The following SLC14A2 variants were observed in gnomAD, a reference collection of about 807,000 sequenced individuals.
SLC14A2 encodes the protein solute carrier family 14 member 2.
SLC14A2 carries 91 observed loss-of-function variants against 104.6 expected under a neutral mutation model. The ratio of observed to expected loss-of-function variants is 0.87; its 90% CI spans 0.73 to 1.04. The LOEUF (loss-of-function observed/expected upper bound fraction) is 1.04. Among genes scored for constraint, SLC14A2 ranks in the 50% least tolerant of loss-of-function variants. The pLI, the probability that SLC14A2 is intolerant of heterozygous loss-of-function variation, is 0.00. For missense variants in SLC14A2, 1,189 were observed against 1,156.0 expected (o/e 1.03, Z -0.41); for synonymous variants, 476 against 466.4 (o/e 1.02, Z -0.27).
At chr18:45,633,041 G>A (rs558083454) in intron 5 of SLC14A2, among the ~76,000 whole-genome samples, 4 of 152,300 alleles carry the variant, frequency 2.6e-5, no homozygotes, top group East Asian at 3.9e-4. Flanking sequence ...CTTCCTGAAC[G>A]ACATTCTTAG....
Position 45,246,299 on chromosome 18 carries a change from A to C in SLC14A2, c.-125+33108A>C, listed in dbSNP as rs78140256. ...TTAATCCTGGACTTCCAGCCTTCAG[A>C]ACTGTGAGGAAGTAAATTTCTGTAG... On this transcript the variant is annotated intron_variant, in intron 1 of 20. Transcript: ENST00000586448. Among the ~76,000 whole-genome samples the C allele has an allele frequency of 1.4e-3, 209 of 152,306 alleles. 6 individuals are homozygous for C. In the East Asian group the frequency reaches 0.038, roughly 27 times the overall value.
Position 45,344,614 on chromosome 18 carries a change from A to AGGTTGGAGT in SLC14A2, c.-125+131423_-125+131424insGGTTGGAGT, listed in dbSNP as rs1423085576. On this transcript the variant is annotated intron_variant, in intron 1 of 20. Transcript: ENST00000586448. ...AAGGGGGAAGAAGCAAATCCCAGAA[A>AGGTTGGAGT]CGTTGTCAAAAGGTTGGAGTCAGTA... Among the ~76,000 whole-genome samples the AGGTTGGAGT allele has an allele frequency of 1.8e-4, 27 of 152,230 alleles. No homozygotes were observed. In the East Asian group the frequency reaches 3.5e-3, roughly 20 times the overall value.
chr18:45,643,151 G>A lies in SLC14A2; in HGVS notation c.1146G>A (p.Met382Ile). Reference protein sequence around the residue: ...ALICALFCAYMEAAISNIMSV... With the variant: ...ALICALFCAYIEAAISNIMSV... ...CCACAGCCCTGTTCTGTGCATACAT[G>A]GAAGCAGCCATCTCCAACATCATGT... The change falls in exon 9 of 20, where the codon ATG becomes ATA. Residue 382 changes from methionine (M) to isoleucine (I), a missense_variant. By Grantham distance (10) the Met-to-Ile change is conservative. Transcript: ENST00000255226. 1 of 1,614,146 alleles carries A rather than the reference G, an allele frequency of 6.2e-7. No individual in the cohort carries two copies. Among genetic ancestry groups the A allele is most frequent in the Non-Finnish European group, 8.5e-7 (1 of 1,179,984 alleles).
At chr18:45,449,902 G>A (rs1439785047) in intron 1 of SLC14A2, among the ~76,000 whole-genome samples, 1 of 152,140 alleles carries the variant, frequency 6.6e-6, no homozygotes, top group Non-Finnish European at 1.5e-5. Flanking sequence ...CCAGCCTCAT[G>A]CTGCAGAAGC....
At chr18:45,578,487 G>A (rs1042194690) in intron 2 of SLC14A2, among the ~76,000 whole-genome samples, 17 of 152,192 alleles carry the variant, frequency 1.1e-4, no homozygotes, top group South Asian at 4.1e-4. Context: ...GTCGAACTGC[G>A]TTGATCCAGG....
At chr18:45,192,466 G>A in the SLC14A2 span, among the ~76,000 whole-genome samples, 1 of 152,276 alleles carries the variant, frequency 6.6e-6, no homozygotes, top group East Asian at 1.9e-4. Context: ...AATGGTAGGT[G>A]TTGTTTAAGG....
intron 1 of SLC14A2, among the ~76,000 whole-genome samples, chr18:45,454,769 C>T (rs1031138096): frequency 1.3e-5 from 2 of 152,118 alleles, no homozygotes; most frequent in African/African-American, 4.8e-5. Context: ...GAATCCTTTC[C>T]CCATTTCTTG....
intron 1 of SLC14A2, among the ~76,000 whole-genome samples, chr18:45,395,163 G>C (rs1442603952): frequency 6.6e-6 from 1 of 152,124 alleles, no homozygotes; most frequent in African/African-American, 2.4e-5. Flanking sequence ...TGGATTTTTG[G>C]AAAATGTTAT....
chr18:45,261,153 T>A (rs2144098607), intron 1 of SLC14A2, among the ~76,000 whole-genome samples: 1 of 151,852 alleles, frequency 6.6e-6, no homozygotes, highest in Admixed American at 6.6e-5. Context: ...CCTAATGATA[T>A]TCCTCCCCCC....
intron 1 of SLC14A2, among the ~76,000 whole-genome samples, chr18:45,410,891 A>G (rs2086207866): frequency 6.6e-6 from 1 of 152,214 alleles, no homozygotes. Flanking sequence ...AGCATTAGAT[A>G]ACACAAGCTA....
chr18:45,384,163 T>G (rs1435444979), intron 1 of SLC14A2, among the ~76,000 whole-genome samples: 1 of 152,158 alleles, frequency 6.6e-6, no homozygotes, highest in Non-Finnish European at 1.5e-5. Context: ...ACTAGAAGTC[T>G]TTGTGCTTTC....
intron 2 of SLC14A2, among the ~76,000 whole-genome samples, chr18:45,496,590 AC>A (rs1598916804): frequency 6.6e-6 from 1 of 152,042 alleles, no homozygotes; most frequent in South Asian, 2.1e-4. Flanking sequence ...ACATGGTGAA[AC>A]CCCATCTCTA....
chr18:45,569,808 T>C (rs2044321127), intron 2 of SLC14A2, among the ~76,000 whole-genome samples: 1 of 152,168 alleles, frequency 6.6e-6, no homozygotes, highest in Admixed American at 6.5e-5. Flanking sequence ...CCAGGAGTCC[T>C]TAGGCCTCTT....
chr18:45,430,095 C>G (rs2086491166), intron 1 of SLC14A2, among the ~76,000 whole-genome samples: 1 of 152,182 alleles, frequency 6.6e-6, no homozygotes, highest in African/African-American at 2.4e-5. Context: ...TGGCAACTTC[C>G]TTTTTCTTCA....
intron 2 of SLC14A2, among the ~76,000 whole-genome samples, chr18:45,572,478 A>T (rs1189279165): frequency 6.6e-6 from 1 of 152,150 alleles, no homozygotes; most frequent in African/African-American, 2.4e-5. Context: ...CACATACCCC[A>T]TTCCTGGCAA....
intron 4 of SLC14A2, among the ~76,000 whole-genome samples, chr18:45,630,610 AG>A (rs1238667996): frequency 6.6e-6 from 1 of 152,238 alleles, no homozygotes; most frequent in Non-Finnish European, 1.5e-5. Context: ...CACTCTCCAC[AG>A]GGTGGGACAG....
chr18:45,510,224 G>A (rs1215912415), intron 2 of SLC14A2, among the ~76,000 whole-genome samples: 1 of 152,156 alleles, frequency 6.6e-6, no homozygotes, highest in African/African-American at 2.4e-5. Context: ...ACACTTAAAT[G>A]TGACAATAGA....
chr18:45,417,263 G>A (rs1004006263), intron 1 of SLC14A2, among the ~76,000 whole-genome samples: 1 of 151,956 alleles, frequency 6.6e-6, no homozygotes, highest in Non-Finnish European at 1.5e-5. Context: ...TCCCCTTTTT[G>A]GTGATCCTTT....
chr18:45,549,639 T>C (rs911423499), intron 2 of SLC14A2, among the ~76,000 whole-genome samples: 1 of 152,246 alleles, frequency 6.6e-6, no homozygotes, highest in African/African-American at 2.4e-5. Context: ...AGTCGGATGC[T>C]ACGGCAAGTT....
Sources: allele counts gnomAD v4.1 joint callset (sites outside exome capture counted in the v4.1 genomes callset), GRCh38; gene constraint gnomAD v4.1.1; transcripts MANE v1.5; gene names NCBI Gene and HGNC (gene_info 2026-07-23, HGNC 2026-07-21).